The following CPNE3 variants were observed in gnomAD, a reference collection of about 807,000 sequenced individuals.
CPNE3 encodes copine-3.
CPNE3 carries 68 observed loss-of-function variants against 63.9 expected under a neutral mutation model. The observed-to-expected ratio is 1.06, with a 90% CI of 0.87 to 1.30. CPNE3 has a LOEUF of 1.30. Ranked by LOEUF, CPNE3 falls within the 50% of genes most tolerant of loss-of-function variation. CPNE3 has a pLI of 0.00. For synonymous variants in CPNE3, 219 were observed against 197.5 expected (o/e 1.11, Z -0.91); for missense variants, 665 against 578.1 (o/e 1.15, Z -1.54).
chr8:86,516,958 G>T (rs1820326779), intron 2 of CPNE3, among the ~76,000 whole-genome samples: 1 of 152,124 alleles, frequency 6.6e-6, no homozygotes, highest in South Asian at 2.1e-4. Context: ...GATATTTCAG[G>T]TGGATCTTTT....
intron 7 of CPNE3, among the ~76,000 whole-genome samples, chr8:86,538,812 T>C (rs969362084): frequency 1.3e-5 from 2 of 152,192 alleles, no homozygotes; most frequent in African/African-American, 4.8e-5. Flanking sequence ...GCATTGATGA[T>C]GTCATGCTTG....
In CPNE3 at chr8:86,554,872, C is replaced by T. The variant is rs35620413; in HGVS notation, c.1142C>T (p.Ala381Val). 4.8e-4 allele frequency: 778 copies of T among 1,613,952 alleles called. 3 individuals are homozygous for T. In the African/African-American group the frequency reaches 8.5e-3, roughly 18 times the overall value. Residue 381 changes from alanine to valine, a missense_variant, in exon 15 of 17, where the codon GCG becomes GTG. By Grantham distance (64) the Ala-to-Val change is moderately conservative (BLOSUM62 0). Coordinates refer to ENST00000517490, the MANE Select transcript of CPNE3 (RefSeq NM_003909.5). ...CTAGGAATCCAAGGCATTGTAGAGGCGTATCGGTCTTGTCTTCCTCAGATA... is the reference window on the plus strand; with the variant it reads ...CTAGGAATCCAAGGCATTGTAGAGGTGTATCGGTCTTGTCTTCCTCAGATA... ...YCNGIQGIVEAYRSCLPQIKL... is the reference protein window; with the variant it reads ...YCNGIQGIVEVYRSCLPQIKL...
chr8:86,556,196 C>G lies in CPNE3; in HGVS notation c.1349C>G (p.Ser450Cys), dbSNP rs753607336. 3 of 873,028 alleles carry G rather than the reference C, an allele frequency of 3.4e-6. No homozygotes were observed. The highest frequency in any genetic ancestry group is 6.0e-6 in the Non-Finnish European group (3 of 501,692). The allele number at this position is 873,028 out of a possible 1,614,324, so 54.1% of individuals were successfully genotyped here. A position where few individuals can be genotyped will look rare whatever the true frequency, so the allele number is the denominator to read the frequency against. ...GTTAATGCCTCCAGGCTGCCTATGT[C>G]CATCATAATTGTTGGAGTTGGAGGT... ...AIVNASRLPM[S>C]IIIVGVGGAD... The change falls in exon 16 of 17, where the codon TCC (serine) becomes TGC (cysteine). Residue 450 changes from serine to cysteine, a missense_variant. Physicochemically the swap from Ser to Cys is moderately radical, Grantham distance 112 (BLOSUM62 -1). Transcript: ENST00000517490.
chr8:86,532,682 C>T (rs1330895499), intron 6 of CPNE3, 102 bp downstream of exon 6: 1 of 981,748 alleles, frequency 1.0e-6, no homozygotes, highest in Non-Finnish European at 1.6e-6. Flanking sequence ...TTGAGCATCA[C>T]ATAGGGTACT....
In CPNE3 at chr8:86,543,309, C is replaced by T. The variant is rs190621094; in HGVS notation, c.634-1431C>T. The stretch of plus-strand genomic sequence containing the variant: ...TTCTGTTACTCAAAATTGAAATTCT[C>T]GGTCTTGACTGTTTTGATTGATTGA... On this transcript the variant is annotated intron_variant, in intron 8 of 16. Transcript: ENST00000517490. Among the ~76,000 whole-genome samples the T allele has an allele frequency of 1.2e-3, 185 of 152,118 alleles. 1 individual carries two copies. Among genetic ancestry groups the T allele is most frequent in the African/African-American group, 4.2e-3 (176 of 41,524 alleles).
intron 6 of CPNE3, 32 bp from the exon 7 acceptor site, chr8:86,537,531 C>T: frequency 7.3e-7 from 1 of 1,368,944 alleles, no homozygotes; most frequent in Non-Finnish European, 1.0e-6. Context: ...CAGAGGAGAA[C>T]AAATGCTTTT....
At chr8:86,517,499 ACCT>A (rs1206752011) in intron 2 of CPNE3, among the ~76,000 whole-genome samples, 1 of 152,176 alleles carries the variant, frequency 6.6e-6, no homozygotes, top group Non-Finnish European at 1.5e-5. Flanking sequence ...TAAAAGAGGT[ACCT>A]GCAACTGTAA....
Position 86,548,365 on chromosome 8 carries a change from G to A in CPNE3, c.944G>A (p.Ser315Asn), listed in dbSNP as rs1821099991. ...PRSPDSLHYI[S>N]PNGVNEYLTA... Reference sequence around the variant, plus strand: ...TCTCCAGACTCCCTTCATTACATCAGCCCCAATGGCGTTAATGAGTATTTG... The same window carrying A: ...TCTCCAGACTCCCTTCATTACATCAACCCCAATGGCGTTAATGAGTATTTG... Residue 315 changes from serine (S) to asparagine (N), a missense_variant, in exon 12 of 17, where the codon AGC becomes AAC. Transcript: ENST00000517490. The A allele has an allele frequency of 6.2e-7, 1 of 1,613,998 alleles. No homozygotes were observed. The highest frequency in any genetic ancestry group is 1.3e-5 in the African/African-American group (1 of 74,912).
chr8:86,526,487 A>G (rs1166449795), intron 2 of CPNE3, among the ~76,000 whole-genome samples: 1 of 151,018 alleles, frequency 6.6e-6, no homozygotes, highest in Non-Finnish European at 1.5e-5. Context: ...ATATATAAAT[A>G]TATAAGATAC....
At chr8:86,526,640 G>A (rs1296564029) in intron 2 of CPNE3, among the ~76,000 whole-genome samples, 1 of 152,046 alleles carries the variant, frequency 6.6e-6, no homozygotes, top group Non-Finnish European at 1.5e-5. Flanking sequence ...AGACTCCAGA[G>A]TAGCTGGGAT....
intron 2 of CPNE3, among the ~76,000 whole-genome samples, chr8:86,523,532 G>C (rs1820479273): frequency 6.6e-6 from 1 of 152,186 alleles, no homozygotes; most frequent in Non-Finnish European, 1.5e-5. Context: ...ACAGCATGAG[G>C]GGTATCAGCA....
intron 1 of CPNE3, among the ~76,000 whole-genome samples, chr8:86,514,897 G>T (rs923647595): frequency 6.6e-6 from 1 of 152,222 alleles, no homozygotes; most frequent in African/African-American, 2.4e-5. Context: ...TTCCCTGGGC[G>T]GAGAGGGTCG....
At chr8:86,534,087 C>T (rs1177664674) in intron 6 of CPNE3, among the ~76,000 whole-genome samples, 1 of 151,942 alleles carries the variant, frequency 6.6e-6, no homozygotes, top group Non-Finnish European at 1.5e-5. Flanking sequence ...AATTACAAGA[C>T]TCCATCTTTT....
intron 15 of CPNE3, 45 bp from the exon 16 acceptor site, chr8:86,556,057 C>T: frequency 1.2e-6 from 1 of 849,996 alleles, no homozygotes; most frequent in Non-Finnish European, 2.1e-6. Flanking sequence ...ATGCCATTAG[C>T]CATTGCTTGA....
chr8:86,559,940 T>C lies in CPNE3; in HGVS notation c.*1530T>C, dbSNP rs1821402337. ...TGCAATGCCTCAAGGGAGTGAGCTC[T>C]CAACCACAGATAGCTGTGGCTTCTC... On this transcript the variant is annotated 3_prime_UTR_variant, in exon 17 of 17. Coordinates refer to ENST00000517490, the MANE Select transcript of CPNE3 (RefSeq NM_003909.5). 6.6e-6 allele frequency: 1 copy of C among 152,246 alleles called. No individual in the cohort carries two copies. Among genetic ancestry groups the C allele is most frequent in the South Asian group, 2.1e-4 (1 of 4,834 alleles). The allele number at this position is 152,246 out of a possible 1,614,324, so 9.4% of individuals were successfully genotyped here.
intron 15 of CPNE3, 32 bp downstream of exon 15, chr8:86,555,016 A>G (rs1381591161): frequency 3.7e-6 from 6 of 1,612,872 alleles, no homozygotes; most frequent in Non-Finnish European, 5.1e-6. Flanking sequence ...AATGGGAAGA[A>G]TGTGGATTGG....
At chr8:86,516,619 G>A (rs926792999) in intron 2 of CPNE3, among the ~76,000 whole-genome samples, 1 of 151,762 alleles carries the variant, frequency 6.6e-6, no homozygotes. Flanking sequence ...TGAACTCCTG[G>A]GCTCAAGTGA....
At chr8:86,535,142 A>G (rs529202601) in intron 6 of CPNE3, among the ~76,000 whole-genome samples, 5 of 152,180 alleles carry the variant, frequency 3.3e-5, no homozygotes, top group Non-Finnish European at 5.9e-5. Flanking sequence ...TTAATAAGCC[A>G]TGTCCCAAGC....
intron 2 of CPNE3, among the ~76,000 whole-genome samples, chr8:86,523,534 G>C (rs945349818): frequency 2.0e-5 from 3 of 152,162 alleles, no homozygotes; most frequent in African/African-American, 4.8e-5. Context: ...AGCATGAGGG[G>C]TATCAGCAGG....
Sources: gnomAD v4.1 joint callset for allele counts (sites outside exome capture counted in the v4.1 genomes callset) on GRCh38, gnomAD v4.1.1 for gene constraint, MANE v1.5 for transcripts, NCBI Gene and HGNC (gene_info 2026-07-23, HGNC 2026-07-21) for gene names.